The following KIF13B variants were observed in gnomAD, a reference collection of about 807,000 sequenced individuals.
The protein encoded by KIF13B is kinesin-like protein KIF13B.
Under a neutral mutation model 222.0 loss-of-function variants are expected in KIF13B, and 127 were observed. The observed-to-expected ratio is 0.57, with a 90% CI of 0.50 to 0.66. The LOEUF is 0.66. Among genes scored for constraint, KIF13B ranks in the 30% least tolerant of loss-of-function variants. The pLI is 0.00. For synonymous variants in KIF13B, 976 were observed against 919.0 expected, an observed-to-expected ratio of 1.06 and a Z score of -1.12; for missense variants, 2,173 against 2,379.0, an observed-to-expected ratio of 0.91 and a Z score of 1.80.
intron 27 of KIF13B, 136 bp from the exon 28 acceptor site, chr8:29,123,628 A>G: frequency 8.7e-7 from 1 of 1,151,266 alleles, no homozygotes; most frequent in South Asian, 1.4e-5. Context: ...ACTAACCCAC[A>G]GCTAGAGAGG....
rs574984356 is a variant in KIF13B, at chr8:29,109,813, C to T, written c.4083+105G>A. The T allele has an allele frequency of 3.2e-4, 359 of 1,117,588 alleles. 2 individuals carry two copies. The African/African-American group carries it at 5.0e-3, about 16-fold the overall frequency. 69.2% of individuals were successfully genotyped at this position (1,117,588 alleles called of 1,614,324 possible). A position where few individuals can be genotyped will look rare whatever the true frequency, so the allele number is the denominator to read the frequency against. On this transcript the variant is annotated intron_variant, in intron 33 of 39. Coordinates refer to ENST00000524189, the MANE Select transcript of KIF13B (RefSeq NM_015254.4). Reference sequence around the variant, plus strand: ...ATTATTCAAAGTTCATTAGAGTGAACTCTTCAAATGTTAGGTGCAACAACA... The same window carrying T: ...ATTATTCAAAGTTCATTAGAGTGAATTCTTCAAATGTTAGGTGCAACAACA...
intron 32 of KIF13B, among the ~76,000 whole-genome samples, chr8:29,111,231 G>A (rs1048060499): frequency 1.3e-5 from 2 of 152,194 alleles, no homozygotes; most frequent in East Asian, 1.9e-4. Flanking sequence ...TAGGTCTCCC[G>A]TCTCCTGGTA....
chr8:29,166,573 G>A lies in KIF13B; in HGVS notation c.1158+800C>T, dbSNP rs372942754. 2.0e-4 allele frequency among the ~76,000 whole-genome samples: 30 copies of A among 152,094 alleles called. No homozygotes were observed. The East Asian group carries it at 5.0e-3, about 26-fold the overall frequency. On this transcript the variant is annotated intron_variant, in intron 11 of 39. Transcript: ENST00000524189. ...TACAAAATTAGCTGGGCGTGGTGGC[G>A]TGCGCCTGTAATCCCAGCTACTCAG...
intron 2 of KIF13B, among the ~76,000 whole-genome samples, chr8:29,208,204 T>C (rs1417301793): frequency 6.6e-6 from 1 of 152,248 alleles, no homozygotes; most frequent in Non-Finnish European, 1.5e-5. Flanking sequence ...TGGTGCTTAA[T>C]GAGGTTTCTC....
chr8:29,234,169 A>G lies in KIF13B; in HGVS notation c.149+11177T>C, dbSNP rs539705007. Reference sequence around the variant, plus strand: ...GTCCAACAATTCCACTCCTGGGTCTATACCCAAAATAACTGAAAGCAGGGT... The same window carrying G: ...GTCCAACAATTCCACTCCTGGGTCTGTACCCAAAATAACTGAAAGCAGGGT... On this transcript the variant is annotated intron_variant, in intron 2 of 39. Coordinates refer to ENST00000524189, the MANE Select transcript of KIF13B (RefSeq NM_015254.4). 2.6e-5 allele frequency among the ~76,000 whole-genome samples: 4 copies of G among 152,304 alleles called. No individual in the cohort carries two copies. In the East Asian group the frequency reaches 5.8e-4, roughly 22 times the overall value.
chr8:29,113,201 TTTCTC>T (rs1809437459), intron 32 of KIF13B, among the ~76,000 whole-genome samples: 1 of 152,222 alleles, frequency 6.6e-6, no homozygotes, highest in Admixed American at 6.5e-5. Flanking sequence ...GTACAATATG[TTTCTC>T]TTCTGTCACC....
intron 37 of KIF13B, among the ~76,000 whole-genome samples, chr8:29,090,304 TC>T (rs1476377138): frequency 6.6e-6 from 1 of 152,176 alleles, no homozygotes; most frequent in Non-Finnish European, 1.5e-5. Flanking sequence ...TTCTGGCTAC[TC>T]TGTTTAAACA....
intron 12 of KIF13B, among the ~76,000 whole-genome samples, chr8:29,163,371 A>G (rs901264530): frequency 9.2e-5 from 14 of 152,212 alleles, no homozygotes; most frequent in African/African-American, 3.4e-4. Flanking sequence ...CTTGCACCCC[A>G]CAGGAAGATG....
At chr8:29,212,196 C>G (rs887555037) in intron 2 of KIF13B, among the ~76,000 whole-genome samples, 1 of 152,074 alleles carries the variant, frequency 6.6e-6, no homozygotes, top group African/African-American at 2.4e-5. Context: ...GAATAGATAC[C>G]TAAGACTAAA....
At chr8:29,220,865 C>T (rs1563801049) in intron 2 of KIF13B, among the ~76,000 whole-genome samples, 2 of 152,242 alleles carry the variant, frequency 1.3e-5, no homozygotes, top group East Asian at 3.9e-4. Flanking sequence ...AATCTCAGTA[C>T]TTTGGGAGGC....
At chr8:29,092,033 TGAA>T (rs1808322750) in intron 37 of KIF13B, among the ~76,000 whole-genome samples, 2 of 152,270 alleles carry the variant, frequency 1.3e-5, no homozygotes, top group African/African-American at 4.8e-5. Context: ...TAGAAGAACG[TGAA>T]GAAGCTGATG....
chr8:29,205,576 T>C (rs536086209), intron 2 of KIF13B, among the ~76,000 whole-genome samples: 1 of 152,214 alleles, frequency 6.6e-6, no homozygotes, highest in South Asian at 2.1e-4. Flanking sequence ...TTACAGATTC[T>C]ACACACCCCA....
chr8:29,260,651 T>C (rs1290449855), intron 1 of KIF13B, among the ~76,000 whole-genome samples: 4 of 137,228 alleles, frequency 2.9e-5, no homozygotes, highest in African/African-American at 9.9e-5. Context: ...AGTTTCACTC[T>C]TGTCGCCCAG....
chr8:29,259,826 T>G (rs938916526), intron 1 of KIF13B, among the ~76,000 whole-genome samples: 1 of 152,198 alleles, frequency 6.6e-6, no homozygotes, highest in Non-Finnish European at 1.5e-5. Flanking sequence ...TATCTGCAAA[T>G]AGAACTTGAA....
intron 18 of KIF13B, among the ~76,000 whole-genome samples, chr8:29,144,098 A>G (rs1463151896): frequency 1.3e-5 from 2 of 151,816 alleles, no homozygotes; most frequent in Non-Finnish European, 2.9e-5. Flanking sequence ...TATCTAATCA[A>G]TTTAGGTTTA....
intron 2 of KIF13B, among the ~76,000 whole-genome samples, chr8:29,197,134 G>A (rs59285665): frequency 0.11 from 16,664 of 150,832 alleles, 1,067 homozygotes; most frequent in South Asian, 0.14. Flanking sequence ...TCAGGAAATC[G>A]AGACCATCCC....
rs1455719954 is a variant in KIF13B, at chr8:29,148,756, G to A, written c.1634C>T (p.Pro545Leu). 4 of 1,589,090 alleles carry A rather than the reference G, an allele frequency of 2.5e-6. No individual in the cohort carries two copies. Among genetic ancestry groups the A allele is most frequent in the Non-Finnish European group, 3.4e-6 (4 of 1,168,606 alleles). ...GNNHFFRLNL[P>L]KKKKKAERED... ...TCGTTCTGCTTTCTTTTTCTTTTTA[G>A]GCAAATTGAGTCTTGGTGGGAAAAA... The change falls in exon 16 of 40, where the codon CCT becomes CTT. Residue 545 changes from proline (P) to leucine (L), a missense_variant. Pro to Leu is a moderately conservative substitution (Grantham distance 98, BLOSUM62 -3). This residue lies in a region of KIF13B where 1,480 missense variants were observed against 1,722.8 expected (regional missense o/e 0.86). Coordinates refer to ENST00000524189, the MANE Select transcript of KIF13B (RefSeq NM_015254.4).
At position 29,092,468 on chromosome 8, in the gene KIF13B, A is replaced by G. The variant is rs77433889; in HGVS notation, c.4458+277T>C. Reference sequence around the variant, plus strand: ...AAACAATGCTAAGTGCACTTCATAAATTTTACTACCGCTGCTCTAAGTGTT... The same window carrying G: ...AAACAATGCTAAGTGCACTTCATAAGTTTTACTACCGCTGCTCTAAGTGTT... On this transcript the variant is annotated intron_variant, in intron 37 of 39. Transcript: ENST00000524189. 5.8e-3 allele frequency among the ~76,000 whole-genome samples: 883 copies of G among 152,338 alleles called. 5 individuals carry two copies. The highest frequency in any genetic ancestry group is 0.021 in the African/African-American group (854 of 41,588).
chr8:29,119,743 A>G (rs192839961), intron 29 of KIF13B, among the ~76,000 whole-genome samples: 30 of 152,344 alleles, frequency 2.0e-4, no homozygotes, highest in Admixed American at 5.2e-4. Context: ...CCACAGCAGG[A>G]TAAGGACTTG....
Sources: allele counts gnomAD v4.1 joint callset (sites outside exome capture counted in the v4.1 genomes callset), GRCh38; gene constraint gnomAD v4.1.1; regional missense constraint gnomAD v4.1.1; transcripts MANE v1.5; gene names NCBI Gene and HGNC (gene_info 2026-07-23, HGNC 2026-07-21).